The following ROBO1 variants were observed in gnomAD, a reference collection of about 807,000 sequenced individuals.
The protein encoded by ROBO1 is roundabout guidance receptor 1, also known as roundabout homolog 1.
ROBO1 carries 149 observed loss-of-function variants against 195.9 expected under a neutral mutation model. The ratio of observed to expected loss-of-function variants is 0.76; its 90% CI spans 0.67 to 0.87. The LOEUF is 0.87. ROBO1 is among the 40% of genes least tolerant of loss of function. ROBO1 has a pLI of 0.00. For missense variants in ROBO1, 1,933 were observed against 2,068.3 expected (o/e 0.93, Z 1.27); for synonymous variants, 816 against 733.2 (o/e 1.11, Z -1.82).
At chr3:78,656,513 G>C (rs901460385) in intron 18 of ROBO1, among the ~76,000 whole-genome samples, 1 of 151,914 alleles carries the variant, frequency 6.6e-6, no homozygotes, top group African/African-American at 2.4e-5. Flanking sequence ...ACCACACCCA[G>C]CTAGTTTTTT....
chr3:78,645,137 A>T (rs1364659787), intron 21 of ROBO1, among the ~76,000 whole-genome samples: 1 of 152,144 alleles, frequency 6.6e-6, no homozygotes, highest in Non-Finnish European at 1.5e-5. Flanking sequence ...GAAAACAGGA[A>T]GTTAGCAATA....
intron 4 of ROBO1, among the ~76,000 whole-genome samples, chr3:78,801,551 A>G (rs72894427): frequency 0.028 from 4,317 of 152,124 alleles, 153 homozygotes; most frequent in African/African-American, 0.086. Context: ...TTGGGCTACA[A>G]ATTTTTAAAT....
intron 1 of ROBO1, among the ~76,000 whole-genome samples, chr3:79,687,538 C>G (rs771149276): frequency 1.3e-5 from 2 of 151,782 alleles, no homozygotes; most frequent in Non-Finnish European, 2.9e-5. Context: ...AAAAAAGCAA[C>G]CCCATCAAAA....
At chr3:79,735,698 G>A (rs1303525620) in intron 1 of ROBO1, among the ~76,000 whole-genome samples, 2 of 151,948 alleles carry the variant, frequency 1.3e-5, no homozygotes, top group Non-Finnish European at 2.9e-5. Context: ...GTGAAACCCC[G>A]TCTCTACTAA....
Position 79,349,639 on chromosome 3 carries a change from T to C in ROBO1, c.89-224100A>G, listed in dbSNP as rs529136963. On this transcript the variant is annotated intron_variant, in intron 2 of 30. Coordinates refer to ENST00000464233, the MANE Select transcript of ROBO1 (RefSeq NM_002941.4). ...GGCTAGATGGATTAGTGAATAAAAT[T>C]GAGAGCCCAGAAACAAACCTATGTG... is the stretch of plus-strand genomic sequence containing the variant. Among the ~76,000 whole-genome samples, 3 of 152,254 alleles carry C rather than the reference T, an allele frequency of 2.0e-5. No homozygotes were observed. The East Asian group carries it at 5.8e-4, about 29-fold the overall frequency.
chr3:79,097,420 T>C (rs973375681), intron 3 of ROBO1, among the ~76,000 whole-genome samples: 1 of 151,782 alleles, frequency 6.6e-6, no homozygotes, highest in Non-Finnish European at 1.5e-5. Flanking sequence ...GTGTGCTTTG[T>C]TTCAAGTAAT....
At chr3:78,838,809 TC>T (rs1426388720) in intron 4 of ROBO1, among the ~76,000 whole-genome samples, 1 of 152,146 alleles carries the variant, frequency 6.6e-6, no homozygotes, top group African/African-American at 2.4e-5. Flanking sequence ...CTTAGACATG[TC>T]TTTGCTCAAA....
chr3:78,713,280 T>C (rs1285636708), intron 8 of ROBO1, among the ~76,000 whole-genome samples: 1 of 151,968 alleles, frequency 6.6e-6, no homozygotes, highest in Non-Finnish European at 1.5e-5. Context: ...CTCTTTTTTT[T>C]CTAGTGTAAA....
intron 2 of ROBO1, among the ~76,000 whole-genome samples, chr3:79,293,163 T>C (rs1397662917): frequency 6.6e-6 from 1 of 152,206 alleles, no homozygotes; most frequent in Non-Finnish European, 1.5e-5. Context: ...TTTATTTGCA[T>C]AGAGGTGTTC....
chr3:78,842,256 A>T (rs866783442), intron 4 of ROBO1, among the ~76,000 whole-genome samples: 23 of 128,450 alleles, frequency 1.8e-4, no homozygotes, highest in African/African-American at 4.6e-4. Context: ...CCATATATAT[A>T]TTTATATATA....
At chr3:79,504,086 TA>T (rs1396491133) in intron 2 of ROBO1, among the ~76,000 whole-genome samples, 2 of 152,136 alleles carry the variant, frequency 1.3e-5, no homozygotes, top group South Asian at 2.1e-4. Context: ...TTTTTAATAT[TA>T]AAAAATTAAC....
chr3:79,616,552 G>T (rs975527466), intron 1 of ROBO1, among the ~76,000 whole-genome samples: 2 of 152,068 alleles, frequency 1.3e-5, no homozygotes, highest in African/African-American at 2.4e-5. Context: ...TCCCTGGCCA[G>T]AGAGCCCCCT....
At chr3:79,243,940 C>T (rs2082572214) in intron 2 of ROBO1, among the ~76,000 whole-genome samples, 1 of 152,134 alleles carries the variant, frequency 6.6e-6, no homozygotes, top group Non-Finnish European at 1.5e-5. Flanking sequence ...CCTAGGTTTT[C>T]TTCTAGGGTT....
intron 1 of ROBO1, among the ~76,000 whole-genome samples, chr3:79,723,572 T>C (rs964622142): frequency 2.0e-5 from 3 of 152,140 alleles, no homozygotes; most frequent in Non-Finnish European, 4.4e-5. Flanking sequence ...ATATTATGCT[T>C]GATATGATTT....
At chr3:79,306,690 A>T (rs1297571203) in intron 2 of ROBO1, among the ~76,000 whole-genome samples, 1 of 152,230 alleles carries the variant, frequency 6.6e-6, no homozygotes, top group Non-Finnish European at 1.5e-5. Context: ...TTTCATCTAT[A>T]TGATAAGGTA....
chr3:78,664,725 G>C (rs1244804294), intron 14 of ROBO1, among the ~76,000 whole-genome samples: 1 of 152,196 alleles, frequency 6.6e-6, no homozygotes, highest in African/African-American at 2.4e-5. Flanking sequence ...GAAATGGTTA[G>C]AGAAATTATG....
chr3:78,728,387 A>G (rs1354342297), intron 5 of ROBO1, among the ~76,000 whole-genome samples: 1 of 152,190 alleles, frequency 6.6e-6, no homozygotes, highest in Non-Finnish European at 1.5e-5. Context: ...CTGTACCCCA[A>G]GATGGATGAA....
chr3:79,026,620 G>T (rs1447376181), intron 3 of ROBO1, among the ~76,000 whole-genome samples: 1 of 151,960 alleles, frequency 6.6e-6, no homozygotes, highest in East Asian at 1.9e-4. Context: ...ACATTTGAAG[G>T]ATATTGGGAA....
chr3:78,711,380 TTCCTTC>T (rs1559773294), intron 8 of ROBO1, among the ~76,000 whole-genome samples: 148 of 33,834 alleles, frequency 4.4e-3, no homozygotes, highest in Non-Finnish European at 5.3e-3. Flanking sequence ...CCTTCCTTCC[TTCCTTC>T]CTTCCTTCCT....
Sources: gnomAD v4.1 joint callset for allele counts (sites outside exome capture counted in the v4.1 genomes callset) on GRCh38, gnomAD v4.1.1 for gene constraint, MANE v1.5 for transcripts, NCBI Gene and HGNC (gene_info 2026-07-23, HGNC 2026-07-21) for gene names.